The following GRM7 variants were observed in gnomAD, a reference collection of about 807,000 sequenced individuals.
GRM7 encodes metabotropic glutamate receptor 7.
In GRM7, 35 loss-of-function variants were observed where a neutral mutation model predicts 84.5. The ratio of observed to expected loss-of-function variants is 0.41; its 90% CI spans 0.32 to 0.55. The LOEUF is 0.55. Among genes scored for constraint, GRM7 ranks in the 20% least tolerant of loss-of-function variants. The pLI, the probability that GRM7 is intolerant of heterozygous loss-of-function variation, is 0.19. For synonymous variants in GRM7, 487 were observed against 455.1 expected, an observed-to-expected ratio of 1.07 and a Z score of -0.89; for missense variants, 1,003 against 1,194.6, an observed-to-expected ratio of 0.84 and a Z score of 2.36.
chr3:7,000,910 T>C (rs1056198798), intron 1 of GRM7, among the ~76,000 whole-genome samples: 2 of 152,132 alleles, frequency 1.3e-5, no homozygotes, highest in East Asian at 1.9e-4. Context: ...ACTCTGACTA[T>C]AGGAATCCTT....
intron 5 of GRM7, among the ~76,000 whole-genome samples, chr3:7,444,490 T>C (rs1233910699): frequency 6.6e-6 from 1 of 152,200 alleles, no homozygotes; most frequent in Admixed American, 6.5e-5. Context: ...ATATTAAGTT[T>C]TCTTATGTCA....
chr3:7,685,163 GA>G (rs1311096076), intron 9 of GRM7, among the ~76,000 whole-genome samples: 4 of 152,168 alleles, frequency 2.6e-5, no homozygotes, highest in Admixed American at 2.6e-4. Context: ...AAGTTGGATG[GA>G]TAATATTAAC....
chr3:7,223,135 C>T (rs141976210), intron 2 of GRM7, among the ~76,000 whole-genome samples: 330 of 152,070 alleles, frequency 2.2e-3, no homozygotes, highest in African/African-American at 7.5e-3. Context: ...GTTAACCTTG[C>T]CAATTATTTA....
chr3:6,898,234 A>G (rs1188694272), intron 1 of GRM7, among the ~76,000 whole-genome samples: 1 of 152,190 alleles, frequency 6.6e-6, no homozygotes, highest in Non-Finnish European at 1.5e-5. Flanking sequence ...AGAGACAAGT[A>G]GTTAGTGCTT....
chr3:7,293,469 C>A (rs1239748440), intron 2 of GRM7, among the ~76,000 whole-genome samples: 5 of 152,170 alleles, frequency 3.3e-5, no homozygotes, highest in African/African-American at 4.8e-5. Flanking sequence ...TCAGTGAAAG[C>A]TGAGGTGCTA....
intron 8 of GRM7, among the ~76,000 whole-genome samples, chr3:7,676,802 G>T (rs977657258): frequency 6.6e-6 from 1 of 152,154 alleles, no homozygotes; most frequent in Admixed American, 6.5e-5. Context: ...TGCTGTAAAG[G>T]TTTGTAGCCT....
At chr3:7,489,101 CT>C (rs1162425303) in intron 7 of GRM7, among the ~76,000 whole-genome samples, 4 of 152,102 alleles carry the variant, frequency 2.6e-5, no homozygotes, top group African/African-American at 9.7e-5. Context: ...GGAGATACAT[CT>C]ACCCTCCTCA....
chr3:7,266,882 A>G (rs935068720), intron 2 of GRM7, among the ~76,000 whole-genome samples: 1 of 152,192 alleles, frequency 6.6e-6, no homozygotes, highest in African/African-American at 2.4e-5. Flanking sequence ...CTGTATTTAA[A>G]TGTAACTTTA....
At chr3:7,088,206 G>A (rs1698530828) in intron 1 of GRM7, among the ~76,000 whole-genome samples, 1 of 150,378 alleles carries the variant, frequency 6.6e-6, no homozygotes, top group African/African-American at 2.5e-5. Context: ...CTGGGACATG[G>A]GATTGAACTG....
chr3:7,483,774 T>C (rs1234157580), intron 7 of GRM7, among the ~76,000 whole-genome samples: 2 of 152,022 alleles, frequency 1.3e-5, no homozygotes, highest in Admixed American at 6.6e-5. Context: ...GATATGATTA[T>C]GTATCTGTAT....
At chr3:7,507,443 G>A (rs1427272026) in intron 7 of GRM7, among the ~76,000 whole-genome samples, 1 of 152,142 alleles carries the variant, frequency 6.6e-6, no homozygotes, top group Non-Finnish European at 1.5e-5. Context: ...TGTAACTAAT[G>A]GAAAACGTTT....
At chr3:7,343,378 G>A (rs546186486) in intron 4 of GRM7, among the ~76,000 whole-genome samples, 1 of 152,018 alleles carries the variant, frequency 6.6e-6, no homozygotes, top group Non-Finnish European at 1.5e-5. Context: ...GGACTACAGG[G>A]ATGTATTTTT....
rs1285226879 is a variant in GRM7 at position 7,176,230 on chromosome 3, A to T, written c.736+29562A>T. 4.2e-4 allele frequency among the ~76,000 whole-genome samples: 4 copies of T among 9,450 alleles called. No individual in the cohort carries two copies. In the East Asian group the frequency reaches 0.065, roughly 152 times the overall value. 6.2% of individuals were successfully genotyped at this position (9,450 alleles called of 152,430 possible). ...AGGAGACCTCATCTCTATAAAAAGT[A>T]AAAAAAAAAAAAAAAAAAAAAAAAA... On this transcript the variant is annotated intron_variant, in intron 2 of 9. Transcript: ENST00000357716.
intron 2 of GRM7, among the ~76,000 whole-genome samples, chr3:7,154,722 A>C (rs1054684582): frequency 5.9e-5 from 9 of 152,148 alleles, no homozygotes; most frequent in African/African-American, 2.2e-4. Context: ...CTGAGGGGGA[A>C]GAGCACTATT....
At chr3:7,191,168 T>A (rs1695699669) in intron 2 of GRM7, among the ~76,000 whole-genome samples, 1 of 152,154 alleles carries the variant, frequency 6.6e-6, no homozygotes, top group Admixed American at 6.6e-5. Flanking sequence ...GATGTTAATA[T>A]TCAAGCTGCA....
intron 1 of GRM7, among the ~76,000 whole-genome samples, chr3:6,923,235 G>A (rs1247811064): frequency 2.6e-5 from 4 of 151,728 alleles, no homozygotes; most frequent in South Asian, 2.1e-4. Flanking sequence ...GGCTGGTCTC[G>A]GACTTCTGAC....
At chr3:7,328,757 C>G (rs9849706) in intron 4 of GRM7, among the ~76,000 whole-genome samples, 66,062 of 151,824 alleles carry the variant, frequency 0.44, 14,508 homozygotes, top group Middle Eastern at 0.49. Context: ...CATGAATTTT[C>G]CTAGACATAG....
At chr3:7,003,266 A>C (rs942080230) in intron 1 of GRM7, among the ~76,000 whole-genome samples, 9 of 152,198 alleles carry the variant, frequency 5.9e-5, no homozygotes, top group Non-Finnish European at 1.0e-4. Flanking sequence ...AAAATAAAGG[A>C]TAAGTCAGTA....
chr3:7,672,548 G>T (rs1038587189), intron 8 of GRM7, among the ~76,000 whole-genome samples: 2 of 151,248 alleles, frequency 1.3e-5, no homozygotes, highest in Admixed American at 6.6e-5. Context: ...ATACAAAACT[G>T]GTTTATTTCT....
Sources: gnomAD v4.1 joint callset for allele counts (sites outside exome capture counted in the v4.1 genomes callset) on GRCh38, gnomAD v4.1.1 for gene constraint, MANE v1.5 for transcripts, NCBI Gene and HGNC (gene_info 2026-07-23, HGNC 2026-07-21) for gene names.